Variants in MROH1 observed in about 807,000 individuals in gnomAD.
MROH1 encodes maestro heat like repeat family member 1.
MROH1 carries 117 observed loss-of-function variants against 116.5 expected under a neutral mutation model. The ratio of observed to expected loss-of-function variants is 1.00; its 90% CI spans 0.86 to 1.17. The LOEUF is 1.17. Among genes scored for constraint, MROH1 ranks in the 50% most tolerant of loss-of-function variants. The probability of loss-of-function intolerance (pLI) is 0.00; values close to 1 mark genes in which losing one functional copy is unlikely to be tolerated. For missense variants in MROH1, 1,873 were observed against 1,338.5 expected (o/e 1.40, Z -6.23); for synonymous variants, 921 against 583.9 (o/e 1.58, Z -8.32).
intron 12 of MROH1, chr8:144,213,136 T>TA (rs770136954): frequency 2.6e-6 from 2 of 766,116 alleles, no homozygotes; most frequent in African/African-American, 1.7e-5. Context: ...CCACGGCTGT[T>TA]ACATCCCGTG....
At chr8:144,179,917 GCCC>G (rs869172046) in intron 5 of MROH1, among the ~76,000 whole-genome samples, 1 of 151,188 alleles carries the variant, frequency 6.6e-6, no homozygotes, top group Admixed American at 6.6e-5. Context: ...ACTGAGTGCA[GCCC>G]CCTCTCACCA....
intron 33 of MROH1, among the ~76,000 whole-genome samples, chr8:144,253,875 C>T (rs1395516902): frequency 6.6e-6 from 1 of 151,956 alleles, no homozygotes; most frequent in Non-Finnish European, 1.5e-5. Context: ...GTGAAGTCTC[C>T]TAGCACCGCA....
At chr8:144,188,449 A>ATTT (rs573524223) in intron 7 of MROH1, among the ~76,000 whole-genome samples, 11 of 45,836 alleles carry the variant, frequency 2.4e-4, no homozygotes, top group African/African-American at 8.7e-4. Flanking sequence ...CCACTGCCCA[A>ATTT]TTTTTTTTTT....
intron 3 of MROH1, among the ~76,000 whole-genome samples, chr8:144,164,533 T>C (rs894091949): frequency 6.6e-6 from 1 of 151,790 alleles, no homozygotes; most frequent in South Asian, 2.1e-4. Context: ...GCCTCCCAAG[T>C]AGCTGGGCCT....
At chr8:144,166,389 G>A (rs1374300589) in intron 3 of MROH1, among the ~76,000 whole-genome samples, 1 of 152,220 alleles carries the variant, frequency 6.6e-6, no homozygotes. Flanking sequence ...AGGCTCCCTG[G>A]GTGGCCGAGC....
chr8:144,216,101 C>T (rs1835194218), intron 12 of MROH1, among the ~76,000 whole-genome samples: 1 of 151,776 alleles, frequency 6.6e-6, no homozygotes, highest in Non-Finnish European at 1.5e-5. Context: ...ATCACTTGAA[C>T]CTGGGAGGCG....
chr8:144,231,382 C>T (rs1484234983), intron 14 of MROH1, among the ~76,000 whole-genome samples: 7 of 152,048 alleles, frequency 4.6e-5, no homozygotes, highest in Admixed American at 2.0e-4. Context: ...CCAGTAGGGG[C>T]GGCCGGGCAG....
intron 12 of MROH1, among the ~76,000 whole-genome samples, chr8:144,207,947 T>C (rs7821434): frequency 0.95 from 138,547 of 145,814 alleles, 65,892 homozygotes; most frequent in East Asian, 0.99. Context: ...TTTTAATTAC[T>C]TTTTTTTTTT....
At chr8:144,205,658 TG>T (rs1272698449) in intron 12 of MROH1, among the ~76,000 whole-genome samples, 1 of 152,160 alleles carries the variant, frequency 6.6e-6, no homozygotes, top group Non-Finnish European at 1.5e-5. Flanking sequence ...ATTCAGCATT[TG>T]CGTCAATTCT....
At chr8:144,189,749 G>A (rs1828093980) in intron 7 of MROH1, among the ~76,000 whole-genome samples, 1 of 152,154 alleles carries the variant, frequency 6.6e-6, no homozygotes, top group Non-Finnish European at 1.5e-5. Context: ...CGCCCACACT[G>A]TGCCCAGCAC....
Position 144,234,171 on chromosome 8 carries a change from C to T in MROH1, c.1339-4585C>T, listed in dbSNP as rs551631972. 1.1e-4 allele frequency among the ~76,000 whole-genome samples: 17 copies of T among 152,084 alleles called. No individual in the cohort carries two copies. In the South Asian group the frequency reaches 2.9e-3, roughly 26 times the overall value. ...ACTACAGGCGCCTGCAACCACGCCC[C>T]GCTAATTTTTTGTATTTTTAGTAGA... On this transcript the variant is annotated intron_variant, in intron 14 of 43. Transcript: ENST00000326134.
Position 144,186,080 on chromosome 8 carries a change from G to C in MROH1, c.563-4704G>C, listed in dbSNP as rs573822560. Among the ~76,000 whole-genome samples the C allele has an allele frequency of 1.9e-4, 29 of 151,834 alleles. No homozygotes were observed. In the South Asian group the frequency reaches 5.6e-3, roughly 29 times the overall value. On this transcript the variant is annotated intron_variant, in intron 7 of 43. Transcript: ENST00000326134. ...GGGCTCTCTCCCAGTCCTCAGGGCT[G>C]TGTCACCCCGGGGAAATGAAGCAAA...
intron 7 of MROH1, among the ~76,000 whole-genome samples, chr8:144,188,361 TCA>T (rs2131533643): frequency 6.7e-6 from 1 of 149,982 alleles, no homozygotes; most frequent in South Asian, 2.1e-4. Flanking sequence ...GAACTGGCAC[TCA>T]CACCCCAACC....
chr8:144,241,116 G>A lies in MROH1; in HGVS notation c.2055+5G>A, dbSNP rs1361818253. 1.3e-6 allele frequency: 1 copy of A among 752,968 alleles called. No individual in the cohort carries two copies. Among genetic ancestry groups the A allele is most frequent in the Non-Finnish European group, 2.5e-6 (1 of 405,728 alleles). The allele number at this position is 752,968 out of a possible 1,614,324, so 46.6% of individuals were successfully genotyped here. A position where few individuals can be genotyped will look rare whatever the true frequency, so the allele number is the denominator to read the frequency against. On this transcript the variant is annotated splice_donor_5th_base_variant and intron_variant, in intron 21 of 43. Transcript: ENST00000326134. ...CAGGAGGAGGCAGAACGCGAGGTGG[G>A]GCCGCTTTCCCTGCAGAAGCCCCAG...
chr8:144,158,094 G>C (rs1428041731), intron 1 of MROH1, among the ~76,000 whole-genome samples: 1 of 148,788 alleles, frequency 6.7e-6, no homozygotes, highest in Non-Finnish European at 1.5e-5. Flanking sequence ...CTGGGTTCAA[G>C]CAATTCTCCT....
At chr8:144,154,159 G>T (rs947983626) in intron 1 of MROH1, among the ~76,000 whole-genome samples, 2 of 152,126 alleles carry the variant, frequency 1.3e-5, no homozygotes, top group Admixed American at 6.6e-5. Context: ...CCACCTCCTG[G>T]GTTCAAGCCA....
intron 28 of MROH1, among the ~76,000 whole-genome samples, chr8:144,244,758 T>C (rs1182147732): frequency 6.6e-6 from 1 of 152,148 alleles, no homozygotes; most frequent in African/African-American, 2.4e-5. Context: ...GCCTGTCCTC[T>C]CCCGCCACTG....
chr8:144,215,145 T>G (rs557750236), intron 12 of MROH1, among the ~76,000 whole-genome samples: 1 of 152,334 alleles, frequency 6.6e-6, no homozygotes, highest in African/African-American at 2.4e-5. Context: ...GGAACAATAC[T>G]TTGCATCCTT....
At chr8:144,239,524 C>T (rs1840617203) in intron 17 of MROH1, 90 bp from the exon 18 acceptor site, 1 of 757,806 alleles carries the variant, frequency 1.3e-6, no homozygotes, top group African/African-American at 1.7e-5. Flanking sequence ...AGCCAGGCTC[C>T]CCGTCGGGTG....
Sources: allele counts gnomAD v4.1 joint callset (sites outside exome capture counted in the v4.1 genomes callset), GRCh38; gene constraint gnomAD v4.1.1; transcripts MANE v1.5; gene names NCBI Gene and HGNC (gene_info 2026-07-23, HGNC 2026-07-21).